Variants in ABHD2 observed in about 807,000 individuals in gnomAD.
ABHD2 encodes abhydrolase domain containing 2, acylglycerol lipase, also known as monoacylglycerol lipase ABHD2.
A neutral mutation model predicts 48.1 loss-of-function variants in ABHD2; 20 were observed. That is an observed-to-expected ratio of 0.42 (90% CI 0.29 to 0.60). ABHD2 has a LOEUF of 0.60. ABHD2 is among the 20% of genes least tolerant of loss of function. The probability of loss-of-function intolerance (pLI) is 0.24; values close to 1 mark genes in which losing one functional copy is unlikely to be tolerated. For missense variants in ABHD2, 405 were observed against 550.9 expected (o/e 0.74, Z 2.65); for synonymous variants, 209 against 214.2 (o/e 0.98, Z 0.21).
upstream of ABHD2, among the ~76,000 whole-genome samples, chr15:89,085,290 C>A (rs1901332638): frequency 6.6e-6 from 1 of 152,058 alleles, no homozygotes; most frequent in Non-Finnish European, 1.5e-5. The surrounding 1 kb of genome is among the most constrained non-coding windows in gnomAD (Gnocchi z 4.2). Context: ...CATCCCAACA[C>A]CTGCTTATCT....
At position 89,102,539 on chromosome 15, in the gene ABHD2, G is replaced by A. The variant is rs575516178; in HGVS notation, c.-106-11186G>A. ...ATTTGCAAGCCACTGCTTTATCCACGAGGGTGCTCCCTACTTATGCCAGTG... is the reference window on the plus strand; with the variant it reads ...ATTTGCAAGCCACTGCTTTATCCACAAGGGTGCTCCCTACTTATGCCAGTG... On this transcript the variant is annotated intron_variant, in intron 1 of 10. Coordinates refer to ENST00000352732, the MANE Select transcript of ABHD2 (RefSeq NM_152924.5). This position sits in a 1 kb window ranked among gnomAD's most constrained non-coding sequence, Gnocchi z 4.8. 4 of 152,332 alleles carry A rather than the reference G, an allele frequency of 2.6e-5. No homozygotes were observed. Among genetic ancestry groups the A allele is most frequent in the South Asian group, 4.1e-4 (2 of 4,828 alleles). 9.4% of individuals were successfully genotyped at this position (152,332 alleles called of 1,614,324 possible).
intron 1 of ABHD2, among the ~76,000 whole-genome samples, chr15:89,103,496 C>T (rs554870898): frequency 5.9e-5 from 9 of 152,262 alleles, no homozygotes; most frequent in Non-Finnish European, 8.8e-5. Flanking sequence ...TGGAATCAAA[C>T]GCAGGTCTCC....
At chr15:89,109,944 C>G (rs971186881) in intron 1 of ABHD2, among the ~76,000 whole-genome samples, 1 of 152,108 alleles carries the variant, frequency 6.6e-6, no homozygotes. Flanking sequence ...TTGCATATAA[C>G]CTATGCATAT....
In ABHD2 at chr15:89,176,606, C is replaced by T. The variant is rs2051017663; in HGVS notation, c.722+611C>T. ...AGTCCCAGGAGGGCGTGGTCATCTG[C>T]CCCGATTCCCCTGAAGATCACTGCT... On this transcript the variant is annotated intron_variant, in intron 6 of 10. Transcript: ENST00000352732. The surrounding 1 kb of genome is among the most constrained non-coding windows in gnomAD (Gnocchi z 4.5). Among the ~76,000 whole-genome samples, 1 of 152,092 alleles carries T rather than the reference C, an allele frequency of 6.6e-6. No homozygotes were observed. Among genetic ancestry groups the T allele is most frequent in the Non-Finnish European group, 1.5e-5 (1 of 68,016 alleles).
At position 89,127,706 on chromosome 15, in the gene ABHD2, C is replaced by CATATATATATATATATATATATATAT. The variant is rs71464446; in HGVS notation, c.194+11198_194+11199insTATATATATATATATATATATATATA. ...TCTTCTCAGTGAATATATATATATA[C>CATATATATATATATATATATATATAT]ATATATATATATACACATATATATA... is the stretch of plus-strand genomic sequence containing the variant. On this transcript the variant is annotated intron_variant, in intron 3 of 10. Coordinates refer to ENST00000352732, the MANE Select transcript of ABHD2 (RefSeq NM_152924.5). Among the ~76,000 whole-genome samples, 16 of 129,898 alleles carry CATATATATATATATATATATATATAT rather than the reference C, an allele frequency of 1.2e-4. 1 individual carries two copies. Among genetic ancestry groups the CATATATATATATATATATATATATAT allele is most frequent in the African/African-American group, 5.4e-4 (15 of 27,884 alleles). 85.2% of individuals were successfully genotyped at this position (129,898 alleles called of 152,430 possible).
rs1204042981 is a variant in ABHD2, at chr15:89,114,984, T to C, written c.-7+1160T>C. Among the ~76,000 whole-genome samples, 1 of 152,228 alleles carries C rather than the reference T, an allele frequency of 6.6e-6. No individual in the cohort carries two copies. The highest frequency in any genetic ancestry group is 1.5e-5 in the Non-Finnish European group (1 of 68,034). The stretch of plus-strand genomic sequence containing the variant: ...AATTAGGAATCCCTGCCAGAGATTT[T>C]CTGCCAAAGTGACCTCGAGTTTAGA... On this transcript the variant is annotated intron_variant, in intron 2 of 10. Transcript: ENST00000352732. This position sits in a 1 kb window ranked among gnomAD's most constrained non-coding sequence, Gnocchi z 4.2.
upstream of ABHD2, among the ~76,000 whole-genome samples, chr15:89,086,038 T>G (rs188160169): frequency 1.1e-4 from 17 of 147,896 alleles, no homozygotes; most frequent in African/African-American, 3.2e-4. Flanking sequence ...ATCTTTTTTG[T>G]TTTTTTTTTT....
At chr15:89,135,073 T>A (rs942389527) in intron 3 of ABHD2, among the ~76,000 whole-genome samples, 2 of 151,974 alleles carry the variant, frequency 1.3e-5, no homozygotes, top group Non-Finnish European at 2.9e-5. Context: ...TCTTTCTTTA[T>A]TTATTTTTAA....
At chr15:89,148,560 C>T (rs894815755) in intron 3 of ABHD2, among the ~76,000 whole-genome samples, 5 of 152,198 alleles carry the variant, frequency 3.3e-5, no homozygotes, top group South Asian at 2.1e-4. Flanking sequence ...AAATGTAAAA[C>T]GCACATACCT....
At chr15:89,171,191 C>A (rs2050922090) in intron 5 of ABHD2, among the ~76,000 whole-genome samples, 1 of 152,172 alleles carries the variant, frequency 6.6e-6, no homozygotes, top group Non-Finnish European at 1.5e-5. Flanking sequence ...GTCTCTGGAC[C>A]AACAACGTCA....
chr15:89,096,022 A>G (rs1223131505), intron 1 of ABHD2, among the ~76,000 whole-genome samples: 1 of 152,252 alleles, frequency 6.6e-6, no homozygotes, highest in East Asian at 1.9e-4. Context: ...TGAGAGCATC[A>G]TGTGAAGTCA....
chr15:89,140,170 G>A (rs2050379226), intron 3 of ABHD2, among the ~76,000 whole-genome samples: 1 of 152,234 alleles, frequency 6.6e-6, no homozygotes, highest in Non-Finnish European at 1.5e-5. Flanking sequence ...GTCAGAGCCT[G>A]TGGACTTGTG....
intron 5 of ABHD2, among the ~76,000 whole-genome samples, chr15:89,165,894 G>C (rs932191703): frequency 1.3e-5 from 2 of 152,194 alleles, no homozygotes; most frequent in Non-Finnish European, 2.9e-5. Flanking sequence ...TGCTTCTTCT[G>C]TCTCTCTTTG....
intron 5 of ABHD2, among the ~76,000 whole-genome samples, chr15:89,156,915 A>C (rs1356961551): frequency 6.6e-6 from 1 of 152,208 alleles, no homozygotes; most frequent in African/African-American, 2.4e-5. Flanking sequence ...GGAAATAACT[A>C]AAAATTATAT....
At position 89,097,835 on chromosome 15, in the gene ABHD2, A is replaced by G. The variant is rs1180872078; in HGVS notation, c.-107+9272A>G. On this transcript the variant is annotated intron_variant, in intron 1 of 10. Transcript: ENST00000352732. The surrounding 1 kb of genome is among the most constrained non-coding windows in gnomAD (Gnocchi z 4.2). ...TTATATAACTGGTAGCATATTGTAC[A>G]TGTTGTTCTGCTCCTTGTTTTAGTC... 6.6e-6 allele frequency among the ~76,000 whole-genome samples: 1 copy of G among 152,122 alleles called. No homozygotes were observed. Among genetic ancestry groups the G allele is most frequent in the Non-Finnish European group, 1.5e-5 (1 of 68,028 alleles).
chr15:89,062,954 A>C, the ABHD2 span, among the ~76,000 whole-genome samples: 1 of 149,072 alleles, frequency 6.7e-6, no homozygotes, highest in South Asian at 2.1e-4. Context: ...TTAATCAGTC[A>C]CAATTGCTGC....
chr15:89,060,408 A>AG, the ABHD2 span, among the ~76,000 whole-genome samples: 1 of 150,924 alleles, frequency 6.6e-6, no homozygotes, highest in Non-Finnish European at 1.5e-5. Context: ...TTAAAAAAAA[A>AG]CACTAACTCC....
At chr15:89,154,183 CT>C (rs1015453297) in intron 4 of ABHD2, among the ~76,000 whole-genome samples, 1 of 152,124 alleles carries the variant, frequency 6.6e-6, no homozygotes, top group African/African-American at 2.4e-5. Context: ...AACTACTGGG[CT>C]CAAACGATCC....
At chr15:89,169,213 G>C (rs951474417) in intron 5 of ABHD2, among the ~76,000 whole-genome samples, 1 of 152,144 alleles carries the variant, frequency 6.6e-6, no homozygotes, top group Non-Finnish European at 1.5e-5. Flanking sequence ...ATAAGGCAAG[G>C]GGCTTGGGCT....
Sources: gnomAD v4.1 joint callset for allele counts (sites outside exome capture counted in the v4.1 genomes callset) on GRCh38, gnomAD v4.1.1 for gene constraint, Gnocchi (gnomAD v3.1) non-coding constraint, MANE v1.5 for transcripts, NCBI Gene and HGNC (gene_info 2026-07-23, HGNC 2026-07-21) for gene names.